The following ADAM22 variants were observed in gnomAD, a reference collection of about 807,000 sequenced individuals.
ADAM22 encodes disintegrin and metalloproteinase domain-containing protein 22.
In ADAM22, 65 loss-of-function variants were observed where a neutral mutation model predicts 144.6. The ratio of observed to expected loss-of-function variants is 0.45; its 90% CI spans 0.37 to 0.55. The LOEUF is 0.55. ADAM22 is among the 20% of genes least tolerant of loss of function. The probability of loss-of-function intolerance (pLI) is 0.00; values close to 1 mark genes in which losing one functional copy is unlikely to be tolerated. For synonymous variants in ADAM22, 391 were observed against 412.6 expected, an observed-to-expected ratio of 0.95 and a Z score of 0.63; for missense variants, 974 against 1,184.9, an observed-to-expected ratio of 0.82 and a Z score of 2.61.
chr7:88,006,405 G>A (rs945782372), intron 3 of ADAM22, among the ~76,000 whole-genome samples: 3 of 151,912 alleles, frequency 2.0e-5, no homozygotes, highest in East Asian at 3.9e-4. Flanking sequence ...ATTTTATGAG[G>A]CCAGCATCAT....
chr7:88,119,606 A>G (rs569002348), intron 7 of ADAM22, among the ~76,000 whole-genome samples: 77 of 152,098 alleles, frequency 5.1e-4, no homozygotes, highest in Non-Finnish European at 9.4e-4. Flanking sequence ...CTCCTGCCTC[A>G]GGCTCCCGAG....
rs1160766996 is a variant in ADAM22 at position 88,153,288 on chromosome 7, T to C, written c.1749T>C (p.Cys583=). Residue 583 remains cysteine, a synonymous_variant, in exon 21 of 32, where the codon TGT becomes TGC. Transcript: ENST00000413139. ...TTGAAGGGACGGAGAAGGGTAACTG[T>C]GGGAAAGACAAAGACACATGGATAC... The part of the protein sequence containing the change: ...LNIEGTEKGN[C]GKDKDTWIQC... 1.2e-6 allele frequency: 2 copies of C among 1,613,344 alleles called. No homozygotes were observed. Among genetic ancestry groups the C allele is most frequent in the Non-Finnish European group, 1.7e-6 (2 of 1,179,620 alleles).
chr7:87,946,687 T>C (rs1272892835), intron 2 of ADAM22, among the ~76,000 whole-genome samples: 1 of 152,186 alleles, frequency 6.6e-6, no homozygotes, highest in Non-Finnish European at 1.5e-5. Flanking sequence ...TTCTGGGCTC[T>C]CTATTGTGTT....
chr7:87,945,884 G>T (rs1475596455), intron 2 of ADAM22, among the ~76,000 whole-genome samples: 1 of 152,134 alleles, frequency 6.6e-6, no homozygotes, highest in African/African-American at 2.4e-5. Context: ...GATGATGAAA[G>T]TTTTGGATGT....
chr7:88,140,364 G>T (rs531409924), intron 14 of ADAM22, among the ~76,000 whole-genome samples: 1 of 152,140 alleles, frequency 6.6e-6, no homozygotes, highest in African/African-American at 2.4e-5. Context: ...GCATGGTCAG[G>T]CTATGTGACC....
intron 3 of ADAM22, among the ~76,000 whole-genome samples, chr7:87,986,326 C>T (rs1788470632): frequency 6.6e-6 from 1 of 152,144 alleles, no homozygotes; most frequent in Non-Finnish European, 1.5e-5. Context: ...GTGCTCAGCC[C>T]AGGGTGGCCT....
Position 88,168,126 on chromosome 7 carries a change from T to G in ADAM22, c.2192-11T>G. ...CCACTGATCTTCCTTCTTTCTTTTT[T>G]TTCCTCTCAGGTGTTGCTGGCACCA... On this transcript the variant is annotated splice_polypyrimidine_tract_variant and intron_variant, in intron 24 of 31. Coordinates refer to ENST00000413139, the MANE Select transcript of ADAM22 (RefSeq NM_001324418.2). 1 of 1,611,290 alleles carries G rather than the reference T, an allele frequency of 6.2e-7. No homozygotes were observed. Among genetic ancestry groups the G allele is most frequent in the East Asian group, 2.2e-5 (1 of 44,788 alleles).
intron 3 of ADAM22, among the ~76,000 whole-genome samples, chr7:88,025,171 G>A (rs1231659001): frequency 6.6e-6 from 1 of 152,180 alleles, no homozygotes; most frequent in African/African-American, 2.4e-5. Context: ...CCCACCAACA[G>A]TGTAAAAGTG....
chr7:87,938,667 A>G (rs1841854312), intron 2 of ADAM22, among the ~76,000 whole-genome samples: 1 of 151,896 alleles, frequency 6.6e-6, no homozygotes, highest in African/African-American at 2.4e-5. Flanking sequence ...TTCTTTTGAG[A>G]TGGAGTCTCA....
At chr7:88,152,757 C>T (rs1027345465) in intron 20 of ADAM22, among the ~76,000 whole-genome samples, 25 of 152,052 alleles carry the variant, frequency 1.6e-4, no homozygotes, top group African/African-American at 5.8e-4. Flanking sequence ...CAGCTCACTG[C>T]ACCCTCTGCC....
At chr7:88,154,412 AC>A (rs1839316357) in intron 21 of ADAM22, among the ~76,000 whole-genome samples, 1 of 152,082 alleles carries the variant, frequency 6.6e-6, no homozygotes, top group Non-Finnish European at 1.5e-5. Context: ...CTCCAGAAGC[AC>A]CCTTTAACTC....
At chr7:88,101,198 T>C (rs1039109349) in intron 4 of ADAM22, among the ~76,000 whole-genome samples, 2 of 128,360 alleles carry the variant, frequency 1.6e-5, no homozygotes, top group African/African-American at 6.0e-5. Flanking sequence ...GAGCTTCCCA[T>C]GTGTTACAAT....
At chr7:87,941,542 C>T (rs765087137) in intron 2 of ADAM22, among the ~76,000 whole-genome samples, 21 of 151,834 alleles carry the variant, frequency 1.4e-4, no homozygotes, top group Non-Finnish European at 3.1e-4. Flanking sequence ...GTAAGTGGCT[C>T]AATATTGATA....
chr7:87,947,963 G>C (rs1584503096), intron 2 of ADAM22, among the ~76,000 whole-genome samples: 1 of 152,074 alleles, frequency 6.6e-6, no homozygotes, highest in Admixed American at 6.6e-5. Flanking sequence ...ATGACTTATA[G>C]AGGGCCCTGT....
At chr7:88,012,641 C>T (rs921056009) in intron 3 of ADAM22, among the ~76,000 whole-genome samples, 6 of 152,126 alleles carry the variant, frequency 3.9e-5, no homozygotes, top group Non-Finnish European at 7.3e-5. Flanking sequence ...AGCTGTAACC[C>T]GTGAATATTA....
chr7:88,105,539 A>G lies in ADAM22; in HGVS notation c.391-2637A>G, dbSNP rs559446050. On this transcript the variant is annotated intron_variant, in intron 4 of 31. Transcript: ENST00000413139. ...TCACCAGTCCAACAGCCCAACACAC[A>G]TTATTGTAACTTTTGTTAAATTTAC... is the stretch of plus-strand genomic sequence containing the variant. 8.9e-4 allele frequency among the ~76,000 whole-genome samples: 135 copies of G among 152,324 alleles called. 2 individuals are homozygous for G. The highest frequency in any genetic ancestry group is 2.7e-3 in the South Asian group (13 of 4,828).
At chr7:88,151,188 G>A in intron 19 of ADAM22, 69 bp from the exon 20 acceptor site, 2 of 1,596,638 alleles carry the variant, frequency 1.3e-6, no homozygotes, top group Admixed American at 3.4e-5. Flanking sequence ...CCCAATCATA[G>A]TTTCTTTTTC....
intron 3 of ADAM22, among the ~76,000 whole-genome samples, chr7:88,041,221 G>A (rs1250955096): frequency 6.6e-6 from 1 of 152,026 alleles, no homozygotes; most frequent in Non-Finnish European, 1.5e-5. Context: ...CAAGGGGAAG[G>A]AATTGTGCAG....
chr7:88,078,778 G>T (rs182280810), intron 4 of ADAM22, among the ~76,000 whole-genome samples: 1 of 152,162 alleles, frequency 6.6e-6, no homozygotes, highest in Non-Finnish European at 1.5e-5. Flanking sequence ...GAAATGAAGC[G>T]TGAAGAGAAG....
Sources: allele counts gnomAD v4.1 joint callset (sites outside exome capture counted in the v4.1 genomes callset), GRCh38; gene constraint gnomAD v4.1.1; transcripts MANE v1.5; gene names NCBI Gene and HGNC (gene_info 2026-07-23, HGNC 2026-07-21).